Variants in NAPEPLD observed in about 807,000 individuals in gnomAD.
NAPEPLD encodes the protein N-acyl-phosphatidylethanolamine-hydrolyzing phospholipase D.
In NAPEPLD, 23 loss-of-function variants were observed where a neutral mutation model predicts 38.1. That is an observed-to-expected ratio of 0.60 (90% CI 0.43 to 0.86). The LOEUF (loss-of-function observed/expected upper bound fraction) is 0.86. NAPEPLD is among the 40% of genes least tolerant of loss of function. The probability of loss-of-function intolerance (pLI) is 0.00; values close to 1 mark genes in which losing one functional copy is unlikely to be tolerated. For missense variants in NAPEPLD, 411 were observed against 476.8 expected, an observed-to-expected ratio of 0.86 and a Z score of 1.28; for synonymous variants, 147 against 162.0, an observed-to-expected ratio of 0.91 and a Z score of 0.71.
In NAPEPLD at chr7:103,146,771, G is replaced by A. The variant is rs75617508; in HGVS notation, c.-17+2040C>T. On this transcript the variant is annotated intron_variant, in intron 1 of 4. Transcript: ENST00000465647. ...TCCACTTTCGCTTCATTGGAACCCC[G>A]CTGTAACAAGAGTCTGCAGTGTATA... is the stretch of plus-strand genomic sequence containing the variant. Among the ~76,000 whole-genome samples, 450 of 152,156 alleles carry A rather than the reference G, an allele frequency of 3.0e-3. 3 individuals are homozygous for A. Among genetic ancestry groups the A allele is most frequent in the South Asian group, 5.8e-3 (28 of 4,814 alleles).
Position 103,106,862 on chromosome 7 carries a change from A to G in NAPEPLD, c.1057-3308T>C, listed in dbSNP as rs1333018518. On this transcript the variant is annotated intron_variant, in intron 4 of 4. Coordinates refer to ENST00000465647, the MANE Select transcript of NAPEPLD (RefSeq NM_001122838.3). ...AAACGTCCCTGCCTGACAGCTCTGAAAAGAGCACTGGTTCTCCCAGCACAG... is the reference window on the plus strand; with the variant it reads ...AAACGTCCCTGCCTGACAGCTCTGAGAAGAGCACTGGTTCTCCCAGCACAG... Among the ~76,000 whole-genome samples, 4 of 152,160 alleles carry G rather than the reference A, an allele frequency of 2.6e-5. No individual in the cohort carries two copies. In the East Asian group the frequency reaches 7.7e-4, roughly 29 times the overall value.
chr7:103,104,557 C>T (rs557221078), intron 4 of NAPEPLD, among the ~76,000 whole-genome samples: 2 of 152,306 alleles, frequency 1.3e-5, no homozygotes, highest in Non-Finnish European at 2.9e-5. Flanking sequence ...TCCTTTTCCC[C>T]CTTGCTCAGT....
At chr7:103,135,671 TTAA>T (rs1184431129) in intron 1 of NAPEPLD, among the ~76,000 whole-genome samples, 5 of 152,062 alleles carry the variant, frequency 3.3e-5, no homozygotes, top group African/African-American at 1.2e-4. Flanking sequence ...ATGACAACAT[TTAA>T]TAATAATTAT....
In NAPEPLD at chr7:103,149,001, G is replaced by A. The variant is rs577120843; in HGVS notation, c.-207C>T. ...ATGAAGCCCTGTCGCTCACAAGTGCGGCATCTCCGAGATGAGGGAGGGCTC... is the reference window on the plus strand; with the variant it reads ...ATGAAGCCCTGTCGCTCACAAGTGCAGCATCTCCGAGATGAGGGAGGGCTC... On this transcript the variant is annotated 5_prime_UTR_variant, in exon 1 of 5. Coordinates refer to ENST00000465647, the MANE Select transcript of NAPEPLD (RefSeq NM_001122838.3). 5 of 985,394 alleles carry A rather than the reference G, an allele frequency of 5.1e-6. No individual in the cohort carries two copies. The African/African-American group carries it at 8.7e-5, about 17-fold the overall frequency. The allele number at this position is 985,394 out of a possible 1,614,324, so 61.0% of individuals were successfully genotyped here. A position where few individuals can be genotyped will look rare whatever the true frequency, so the allele number is the denominator to read the frequency against.
chr7:103,146,351 A>C (rs531617589), intron 1 of NAPEPLD, among the ~76,000 whole-genome samples: 6 of 152,278 alleles, frequency 3.9e-5, no homozygotes, highest in Non-Finnish European at 7.4e-5. Context: ...TCTCAAAAAA[A>C]AAAAAAAAGA....
intron 4 of NAPEPLD, among the ~76,000 whole-genome samples, chr7:103,110,670 A>G (rs1230754753): frequency 2.0e-5 from 3 of 152,248 alleles, no homozygotes; most frequent in Non-Finnish European, 4.4e-5. Context: ...AACCAGCACA[A>G]GACAAGGATG....
At chr7:103,141,240 GTTT>G (rs869065614) in intron 1 of NAPEPLD, 9 of 10,246 alleles carry the variant, frequency 8.8e-4, no homozygotes, top group South Asian at 1.6e-3. Flanking sequence ...CTGTGGAGTT[GTTT>G]TTTTTTTTTT....
chr7:103,148,454 GAAAAA>G (rs767589521), intron 1 of NAPEPLD, among the ~76,000 whole-genome samples: 1 of 108,782 alleles, frequency 9.2e-6, no homozygotes, highest in South Asian at 3.1e-4. Flanking sequence ...GCTCTAGCTT[GAAAAA>G]AAAAAAAAAG....
At chr7:103,108,134 C>CTTTTTT (rs56793237) in intron 4 of NAPEPLD, among the ~76,000 whole-genome samples, 1 of 117,552 alleles carries the variant, frequency 8.5e-6, no homozygotes, top group African/African-American at 3.3e-5. Flanking sequence ...ATTCAACATT[C>CTTTTTT]TTTTTTTTTT....
intron 4 of NAPEPLD, among the ~76,000 whole-genome samples, chr7:103,108,071 C>T (rs1015671069): frequency 1.3e-5 from 2 of 151,758 alleles, no homozygotes; most frequent in African/African-American, 2.4e-5. Context: ...ATCAGACTAA[C>T]ACCAGATCTC....
intron 1 of NAPEPLD, among the ~76,000 whole-genome samples, chr7:103,132,145 C>A (rs1809086974): frequency 6.6e-6 from 1 of 152,118 alleles, no homozygotes; most frequent in African/African-American, 2.4e-5. Context: ...AAAACTGGAG[C>A]TTGGGAGATG....
chr7:103,105,316 G>A (rs1453704361), intron 4 of NAPEPLD, among the ~76,000 whole-genome samples: 2 of 152,138 alleles, frequency 1.3e-5, no homozygotes, highest in African/African-American at 4.8e-5. Context: ...ATCCATTAGG[G>A]TCTAGGCAGC....
chr7:103,116,421 T>TA (rs1255205911), intron 3 of NAPEPLD, among the ~76,000 whole-genome samples: 11 of 152,162 alleles, frequency 7.2e-5, no homozygotes, highest in Admixed American at 7.2e-4. Flanking sequence ...CTGTTACTTT[T>TA]AAAAGTAGAT....
intron 4 of NAPEPLD, among the ~76,000 whole-genome samples, chr7:103,113,564 T>C (rs1322894718): frequency 1.5e-5 from 1 of 67,298 alleles, no homozygotes; most frequent in Non-Finnish European, 4.1e-5. Flanking sequence ...AGCCAAGTCC[T>C]AACCACACTT....
At chr7:103,116,773 C>T (rs200269814) in intron 3 of NAPEPLD, among the ~76,000 whole-genome samples, 1 of 152,258 alleles carries the variant, frequency 6.6e-6, no homozygotes, top group East Asian at 1.9e-4. Flanking sequence ...GGGTGTGAAT[C>T]CTAGCTCTTG....
intron 4 of NAPEPLD, among the ~76,000 whole-genome samples, chr7:103,110,309 T>C (rs946555618): frequency 6.6e-6 from 1 of 152,052 alleles, no homozygotes; most frequent in Non-Finnish European, 1.5e-5. Flanking sequence ...CAGGCCAATA[T>C]CCCTGATGAA....
intron 1 of NAPEPLD, among the ~76,000 whole-genome samples, chr7:103,136,464 G>A (rs1318665885): frequency 2.0e-5 from 3 of 151,262 alleles, no homozygotes; most frequent in African/African-American, 7.3e-5. Context: ...GCCCGAACCT[G>A]TAGTCCCAGC....
chr7:103,116,392 G>A (rs1805584358), intron 3 of NAPEPLD, among the ~76,000 whole-genome samples: 1 of 152,022 alleles, frequency 6.6e-6, no homozygotes, highest in Non-Finnish European at 1.5e-5. Flanking sequence ...ATTGAGACTG[G>A]GAAATAAGTC....
chr7:103,119,784 G>A lies in NAPEPLD; in HGVS notation c.734C>T (p.Thr245Ile), dbSNP rs1209161011. The A allele has an allele frequency of 6.2e-7, 1 of 1,614,132 alleles. No individual in the cohort carries two copies. Among genetic ancestry groups the A allele is most frequent in the South Asian group, 1.1e-5 (1 of 91,080 alleles). ...GTGCTGGGAAGGTGTAAAGACAAAAGTGACCTTATCATGTCCGGGGACACA... is the reference window on the plus strand; with the variant it reads ...GTGCTGGGAAGGTGTAAAGACAAAAATGACCTTATCATGTCCGGGGACACA... The part of the protein sequence containing the change: ...ENCVPGHDKV[T>I]FVFTPSQHWC... The change falls in exon 3 of 5, where the codon ACT (threonine) becomes ATT (isoleucine). Residue 245 changes from threonine to isoleucine, a missense_variant. Transcript: ENST00000465647.
Sources: allele counts gnomAD v4.1 joint callset (sites outside exome capture counted in the v4.1 genomes callset), GRCh38; gene constraint gnomAD v4.1.1; transcripts MANE v1.5; gene names NCBI Gene and HGNC (gene_info 2026-07-23, HGNC 2026-07-21).